Variants in PCDH15 observed in about 807,000 individuals in gnomAD.
PCDH15 encodes protocadherin-15.
PCDH15 carries 129 observed loss-of-function variants against 178.5 expected under a neutral mutation model. The ratio of observed to expected loss-of-function variants is 0.72; its 90% CI spans 0.63 to 0.84. PCDH15 has a LOEUF of 0.84. PCDH15 is among the 40% of genes least tolerant of loss of function. The pLI is 0.00. For missense variants in PCDH15, 2,230 were observed against 2,099.9 expected (o/e 1.06, Z -1.21); for synonymous variants, 800 against 732.0 (o/e 1.09, Z -1.50).
intron 2 of PCDH15, among the ~76,000 whole-genome samples, chr10:54,930,237 C>T (rs189324861): frequency 8.6e-4 from 131 of 152,294 alleles, no homozygotes; most frequent in African/African-American, 3.1e-3. Flanking sequence ...AGGTTCTTCA[C>T]TCACTGTGTA....
chr10:54,312,591 G>C (rs951367060), intron 8 of PCDH15, among the ~76,000 whole-genome samples: 1 of 152,048 alleles, frequency 6.6e-6, no homozygotes, highest in Non-Finnish European at 1.5e-5. Context: ...CTTGCTGTGA[G>C]GAAGCCCCAA....
At chr10:54,955,631 TTTC>T (rs1249369340) in intron 2 of PCDH15, among the ~76,000 whole-genome samples, 3 of 151,520 alleles carry the variant, frequency 2.0e-5, no homozygotes, top group Admixed American at 2.0e-4. Flanking sequence ...TCAATTTGAT[TTTC>T]TTCTTTTTAT....
At chr10:55,221,332 T>C (rs1840869797) in intron 1 of PCDH15, among the ~76,000 whole-genome samples, 1 of 152,144 alleles carries the variant, frequency 6.6e-6, no homozygotes, top group Non-Finnish European at 1.5e-5. Context: ...GATATGTGTA[T>C]ATAAATGTTT....
At chr10:54,094,742 A>T (rs2094668068) in intron 15 of PCDH15, among the ~76,000 whole-genome samples, 1 of 152,182 alleles carries the variant, frequency 6.6e-6, no homozygotes, top group Non-Finnish European at 1.5e-5. Flanking sequence ...CTTTCCTTTA[A>T]TTTTTATTTA....
intron 3 of PCDH15, among the ~76,000 whole-genome samples, chr10:54,850,172 T>C (rs1199364184): frequency 6.6e-6 from 1 of 152,212 alleles, no homozygotes; most frequent in Non-Finnish European, 1.5e-5. Flanking sequence ...TAATAATATC[T>C]ACCAATTTTT....
intron 3 of PCDH15, among the ~76,000 whole-genome samples, chr10:54,480,429 G>A (rs974267033): frequency 1.3e-5 from 2 of 151,960 alleles, no homozygotes; most frequent in Non-Finnish European, 2.9e-5. Context: ...TTGTGAGACT[G>A]TGGGACTTTA....
At chr10:54,624,264 G>T (rs551845285) in intron 2 of PCDH15, among the ~76,000 whole-genome samples, 1 of 152,082 alleles carries the variant, frequency 6.6e-6, no homozygotes, top group African/African-American at 2.4e-5. Context: ...GCAGTTTATA[G>T]TGCAGGAACA....
chr10:54,810,463 A>G (rs1952844823), intron 3 of PCDH15, among the ~76,000 whole-genome samples: 1 of 152,130 alleles, frequency 6.6e-6, no homozygotes, highest in East Asian at 1.9e-4. Context: ...TAATGTACCA[A>G]ATATGGATAT....
intron 3 of PCDH15, among the ~76,000 whole-genome samples, chr10:54,874,794 C>T (rs1476659349): frequency 6.6e-6 from 1 of 152,068 alleles, no homozygotes; most frequent in Non-Finnish European, 1.5e-5. Context: ...TTAAACAAAT[C>T]ATTTACAACC....
intron 18 of PCDH15, among the ~76,000 whole-genome samples, chr10:54,042,424 T>C (rs991147203): frequency 6.6e-6 from 1 of 152,082 alleles, no homozygotes; most frequent in Non-Finnish European, 1.5e-5. Context: ...GGTATACTTG[T>C]TTCTGGAGGA....
intron 2 of PCDH15, among the ~76,000 whole-genome samples, chr10:55,079,599 C>A (rs1371256537): frequency 6.6e-6 from 1 of 152,112 alleles, no homozygotes; most frequent in Non-Finnish European, 1.5e-5. Flanking sequence ...TCCTCAGATG[C>A]CAGTAGTGAC....
rs548109229 is a variant in PCDH15 at position 54,844,878 on chromosome 10, C to T, written c.-29+52572G>A. On this transcript the variant is annotated intron_variant, in intron 3 of 5. Transcript: ENST00000458638. Reference sequence around the variant, plus strand: ...GTTTCAATAATGACTTTTAAAAAAACGTAGCCTTAATTTAAATGTTTCAGA... The same window carrying T: ...GTTTCAATAATGACTTTTAAAAAAATGTAGCCTTAATTTAAATGTTTCAGA... Among the ~76,000 whole-genome samples, 138 of 151,884 alleles carry T rather than the reference C, an allele frequency of 9.1e-4. 1 individual carries two copies. In the Middle Eastern group the frequency reaches 0.014, roughly 15 times the overall value.
At chr10:54,829,222 G>C (rs1457790397) in intron 3 of PCDH15, among the ~76,000 whole-genome samples, 1 of 151,980 alleles carries the variant, frequency 6.6e-6, no homozygotes, top group Non-Finnish European at 1.5e-5. Flanking sequence ...ATGAATAATA[G>C]TGGTATAGTA....
At chr10:54,861,057 T>C (rs998660699) in intron 3 of PCDH15, among the ~76,000 whole-genome samples, 6 of 152,190 alleles carry the variant, frequency 3.9e-5, no homozygotes, top group African/African-American at 4.8e-5. Context: ...ACTCTGTTTC[T>C]CTTCTCTTTA....
At chr10:55,517,527 A>C (rs568584242) in intron 2 of PCDH15, among the ~76,000 whole-genome samples, 1 of 152,292 alleles carries the variant, frequency 6.6e-6, no homozygotes, top group African/African-American at 2.4e-5. Context: ...AAGTTTTAGT[A>C]AATAAAAAAT....
At chr10:54,661,509 A>G (rs960772731) in intron 2 of PCDH15, among the ~76,000 whole-genome samples, 1 of 151,930 alleles carries the variant, frequency 6.6e-6, no homozygotes, top group Admixed American at 6.6e-5. Context: ...TATAATTTCT[A>G]TCATAGTACC....
intron 1 of PCDH15, among the ~76,000 whole-genome samples, chr10:55,301,640 T>G (rs991611564): frequency 3.3e-5 from 5 of 152,132 alleles, no homozygotes; most frequent in African/African-American, 1.2e-4. Context: ...AAATTATACT[T>G]TTGATATCAA....
intron 2 of PCDH15, among the ~76,000 whole-genome samples, chr10:54,980,061 T>C (rs1839191816): frequency 6.6e-6 from 1 of 152,152 alleles, no homozygotes; most frequent in Admixed American, 6.6e-5. Context: ...TTGGTGGCCA[T>C]CCATTACAGA....
chr10:54,764,140 T>A (rs1018968253), intron 1 of PCDH15, among the ~76,000 whole-genome samples: 1 of 152,038 alleles, frequency 6.6e-6, no homozygotes, highest in Admixed American at 6.6e-5. Flanking sequence ...AAATGTCTTA[T>A]AAACTTTGTT....
Sources: gnomAD v4.1 joint callset for allele counts (sites outside exome capture counted in the v4.1 genomes callset) on GRCh38, gnomAD v4.1.1 for gene constraint, MANE v1.5 for transcripts, NCBI Gene and HGNC (gene_info 2026-07-23, HGNC 2026-07-21) for gene names.